Variants in CFAP299 observed in about 807,000 individuals in gnomAD.
The protein encoded by CFAP299 is cilia and flagella associated protein 299, also known as cilia- and flagella-associated protein 299.
A neutral mutation model predicts 27.0 loss-of-function variants in CFAP299; 21 were observed. The observed-to-expected ratio is 0.78, with a 90% confidence interval of 0.55 to 1.12. The LOEUF is 1.12. CFAP299 is among the 50% of genes most tolerant of loss of function. The probability of loss-of-function intolerance (pLI) is 0.00; values close to 1 mark genes in which losing one functional copy is unlikely to be tolerated. For missense variants in CFAP299, 310 were observed against 276.6 expected (o/e 1.12, Z -0.86); for synonymous variants, 104 against 98.1 (o/e 1.06, Z -0.36).
the CFAP299 span, among the ~76,000 whole-genome samples, chr4:80,327,719 TATAA>T: frequency 8.3e-3 from 1,153 of 138,310 alleles, 29 homozygotes; most frequent in African/African-American, 0.032. Flanking sequence ...TATATATATA[TATAA>T]CTTCAATACA....
chr4:80,626,387 C>G (rs907481438), intron 3 of CFAP299, among the ~76,000 whole-genome samples: 6 of 151,724 alleles, frequency 4.0e-5, no homozygotes, highest in Non-Finnish European at 8.9e-5. Flanking sequence ...AAAAGCAGTT[C>G]TAAGAAGGAA....
At chr4:80,805,152 A>G (rs953636990) in intron 3 of CFAP299, among the ~76,000 whole-genome samples, 47 of 152,130 alleles carry the variant, frequency 3.1e-4, no homozygotes, top group African/African-American at 1.0e-3. Flanking sequence ...TGAAATTTTT[A>G]TTTTGAGAAC....
Position 80,752,144 on chromosome 4 carries a change from G to A in CFAP299, c.334-117849G>A, listed in dbSNP as rs1268685794. Among the ~76,000 whole-genome samples the A allele has an allele frequency of 3.9e-5, 6 of 152,096 alleles. No homozygotes were observed. The East Asian group carries it at 1.2e-3, about 29-fold the overall frequency. ...TGCTTCCCTTGGCTTTTGGGGTGGG[G>A]CTACTTTGGCTCTGTGCCACTCCCC... On this transcript the variant is annotated intron_variant, in intron 3 of 5. Coordinates refer to ENST00000358105, the MANE Select transcript of CFAP299 (RefSeq NM_152770.3).
chr4:80,421,781 T>G (rs892433151), intron 2 of CFAP299, among the ~76,000 whole-genome samples: 13 of 152,344 alleles, frequency 8.5e-5, no homozygotes, highest in African/African-American at 2.9e-4. Flanking sequence ...AGAGATCTTT[T>G]ACACAAAACC....
intron 2 of CFAP299, among the ~76,000 whole-genome samples, chr4:80,456,156 A>G (rs1339715586): frequency 6.6e-6 from 1 of 152,168 alleles, no homozygotes; most frequent in Non-Finnish European, 1.5e-5. Flanking sequence ...GCCAAACCCC[A>G]TGCTTGGACA....
intron 3 of CFAP299, among the ~76,000 whole-genome samples, chr4:80,855,394 TTTTA>T (rs750688866): frequency 4.0e-5 from 6 of 151,846 alleles, no homozygotes; most frequent in Admixed American, 6.6e-5. Context: ...CTTATTTTCT[TTTTA>T]TTTATTTATT....
rs532218720 is a variant in CFAP299, at chr4:80,911,168, C to T, written c.477-33642C>T. 1.1e-4 allele frequency among the ~76,000 whole-genome samples: 17 copies of T among 149,980 alleles called. No homozygotes were observed. The East Asian group carries it at 3.1e-3, about 27-fold the overall frequency. On this transcript the variant is annotated intron_variant, in intron 4 of 5. Coordinates refer to ENST00000358105, the MANE Select transcript of CFAP299 (RefSeq NM_152770.3). Reference sequence around the variant, plus strand: ...TTTGTTCCTTTCTATGTTCCTATGTCCCTGGGCTGTTCCTTTATTTCAAAG... The same window carrying T: ...TTTGTTCCTTTCTATGTTCCTATGTTCCTGGGCTGTTCCTTTATTTCAAAG...
chr4:80,415,944 G>C (rs1282641364), intron 2 of CFAP299, among the ~76,000 whole-genome samples: 3 of 152,298 alleles, frequency 2.0e-5, no homozygotes, highest in Middle Eastern at 3.4e-3. Context: ...AAGCTACAGA[G>C]CTATACAAAG....
At chr4:80,863,292 C>T (rs151063672) in intron 3 of CFAP299, among the ~76,000 whole-genome samples, 1 of 150,950 alleles carries the variant, frequency 6.6e-6, no homozygotes, top group East Asian at 1.9e-4. Flanking sequence ...TAGTATTTGG[C>T]AAGAAAAATC....
At chr4:80,447,119 G>GTTTTTTTTTTTTTTTTTT (rs71641487) in intron 2 of CFAP299, among the ~76,000 whole-genome samples, 3 of 65,506 alleles carry the variant, frequency 4.6e-5, no homozygotes, top group African/African-American at 9.5e-5. Flanking sequence ...CTTTTTATTT[G>GTTTTTTTTTTTTTTTTTT]TTTTTTTTTT....
At chr4:80,844,001 G>A (rs1273479512) in intron 3 of CFAP299, among the ~76,000 whole-genome samples, 3 of 152,044 alleles carry the variant, frequency 2.0e-5, no homozygotes, top group Non-Finnish European at 4.4e-5. Context: ...AGAACATGCG[G>A]TGTTTGGATT....
intron 2 of CFAP299, among the ~76,000 whole-genome samples, chr4:80,461,519 T>G (rs1269898872): frequency 6.6e-6 from 1 of 152,164 alleles, no homozygotes; most frequent in African/African-American, 2.4e-5. Flanking sequence ...TTGGTCAGCC[T>G]TAAGGTCTCT....
chr4:80,684,206 A>G (rs970257506), intron 3 of CFAP299, among the ~76,000 whole-genome samples: 11 of 152,102 alleles, frequency 7.2e-5, no homozygotes, highest in Non-Finnish European at 1.5e-4. Flanking sequence ...TCTTTGTTTA[A>G]GAACATCTTA....
intron 3 of CFAP299, among the ~76,000 whole-genome samples, chr4:80,738,206 C>T (rs1008294696): frequency 6.6e-6 from 1 of 152,086 alleles, no homozygotes; most frequent in African/African-American, 2.4e-5. Flanking sequence ...ATTCTGCAGC[C>T]ATTGGATGAA....
intron 3 of CFAP299, among the ~76,000 whole-genome samples, chr4:80,725,348 T>G (rs1265576820): frequency 6.6e-6 from 1 of 152,032 alleles, no homozygotes; most frequent in Non-Finnish European, 1.5e-5. Flanking sequence ...AATTTCTATT[T>G]TTTTCTTCAT....
intron 2 of CFAP299, among the ~76,000 whole-genome samples, chr4:80,465,292 A>T (rs1275460992): frequency 1.3e-5 from 2 of 152,220 alleles, no homozygotes; most frequent in Non-Finnish European, 2.9e-5. Context: ...AAACAAATCA[A>T]ATAAAAACTT....
intron 3 of CFAP299, among the ~76,000 whole-genome samples, chr4:80,868,875 A>T (rs1332323845): frequency 6.7e-6 from 1 of 148,328 alleles, no homozygotes; most frequent in Non-Finnish European, 1.5e-5. Flanking sequence ...TTTTTCTGTA[A>T]TATAATTCCA....
chr4:80,470,720 G>GGTTTT (rs766231163), intron 2 of CFAP299, among the ~76,000 whole-genome samples: 19 of 152,064 alleles, frequency 1.2e-4, no homozygotes, highest in Non-Finnish European at 2.1e-4. Context: ...ATTTCAGAAG[G>GGTTTT]GTTTTGTTTT....
At chr4:80,343,588 G>T (rs903775682) in intron 1 of CFAP299, among the ~76,000 whole-genome samples, 1 of 152,124 alleles carries the variant, frequency 6.6e-6, no homozygotes, top group East Asian at 1.9e-4. Flanking sequence ...AGGAGATCGA[G>T]ACCATCCTGG....
Sources: gnomAD v4.1 joint callset for allele counts (sites outside exome capture counted in the v4.1 genomes callset) on GRCh38, gnomAD v4.1.1 for gene constraint, MANE v1.5 for transcripts, NCBI Gene and HGNC (gene_info 2026-07-23, HGNC 2026-07-21) for gene names.